RANBP2: variants seen among roughly 807,000 people sequenced by gnomAD.
RANBP2 encodes RAN binding protein 2.
RANBP2 carries 57 observed loss-of-function variants against 303.6 expected under a neutral mutation model. That is an observed-to-expected ratio of 0.19 (90% CI 0.15 to 0.23). The LOEUF (loss-of-function observed/expected upper bound fraction) is 0.23, where lower values mean the gene tolerates loss of function less well. RANBP2 is among the 10% of genes least tolerant of loss of function. RANBP2 has a pLI of 1.00. For missense variants in RANBP2, 3,138 were observed against 3,780.8 expected, an observed-to-expected ratio of 0.83 and a Z score of 4.46; for synonymous variants, 1,167 against 1,301.5, an observed-to-expected ratio of 0.90 and a Z score of 2.23.
At chr2:109,002,080 G>T in the RANBP2 span, among the ~76,000 whole-genome samples, 1 of 152,158 alleles carries the variant, frequency 6.6e-6, no homozygotes, top group South Asian at 2.1e-4. Context: ...CCAAGAGTAG[G>T]GAGTTGGTGG....
At chr2:109,581,009 T>C in the RANBP2 span, among the ~76,000 whole-genome samples, 1 of 152,142 alleles carries the variant, frequency 6.6e-6, no homozygotes, top group African/African-American at 2.4e-5. Context: ...GGCCCCCAAG[T>C]CCCTGGCTAA....
At chr2:109,614,780 C>G in the RANBP2 span, 3 of 1,477,916 alleles carry the variant, frequency 2.0e-6, no homozygotes, top group Non-Finnish European at 2.7e-6. Flanking sequence ...CGCCGCGAAT[C>G]CAGGTGACCG....
At chr2:108,863,420 G>A in the RANBP2 span, among the ~76,000 whole-genome samples, 10 of 152,170 alleles carry the variant, frequency 6.6e-5, no homozygotes, top group Admixed American at 2.0e-4. Flanking sequence ...CTTTAGATGT[G>A]TGGTGTTTTC....
At chr2:109,214,994 G>T in the RANBP2 span, among the ~76,000 whole-genome samples, 1 of 152,242 alleles carries the variant, frequency 6.6e-6, no homozygotes, top group African/African-American at 2.4e-5. Context: ...CTTGGTGGAG[G>T]CAGAGTAAGA....
At chr2:109,764,405 C>T in the RANBP2 span, among the ~76,000 whole-genome samples, 4 of 147,528 alleles carry the variant, frequency 2.7e-5, 1 homozygote, top group Admixed American at 7.0e-5. Flanking sequence ...AAAATAATGA[C>T]CATCCCTTTT....
chr2:109,256,476 A>G, the RANBP2 span, among the ~76,000 whole-genome samples: 4 of 138,084 alleles, frequency 2.9e-5, no homozygotes, highest in Admixed American at 6.8e-5. Context: ...TCATGGAAAC[A>G]GGGGAGATTT....
At chr2:109,632,602 A>G in the RANBP2 span, among the ~76,000 whole-genome samples, 13 of 152,278 alleles carry the variant, frequency 8.5e-5, no homozygotes, top group South Asian at 2.1e-4. Context: ...TCACAAGGTC[A>G]GAAGCTCGAG....
chr2:109,354,948 T>C, the RANBP2 span, among the ~76,000 whole-genome samples: 2 of 152,232 alleles, frequency 1.3e-5, no homozygotes, highest in African/African-American at 4.8e-5. Context: ...TATAGTTTTT[T>C]AGTAACCACT....
chr2:108,763,832 C>T lies in RANBP2; in HGVS notation c.3293C>T (p.Thr1098Ile), dbSNP rs1226669240. 1.2e-6 allele frequency: 2 copies of T among 1,614,030 alleles called. No homozygotes were observed. Among genetic ancestry groups the T allele is most frequent in the Non-Finnish European group, 1.7e-6 (2 of 1,179,966 alleles). Residue 1098 changes from threonine (T) to isoleucine (I), a missense_variant, in exon 20 of 29, where the codon ACA becomes ATA. Transcript: ENST00000283195. ...PGGQTIGPRNTFNFGSKNVSG... is the reference protein window; with the variant it reads ...PGGQTIGPRNIFNFGSKNVSG... Reference sequence around the variant, plus strand: ...GGTCAAACCATTGGGCCTCGAAATACATTCAATTTTGGAAGCAAAAATGTG... The same window carrying T: ...GGTCAAACCATTGGGCCTCGAAATATATTCAATTTTGGAAGCAAAAATGTG...
At chr2:108,747,176 CT>C (rs1696580403) in intron 8 of RANBP2, among the ~76,000 whole-genome samples, 1 of 152,190 alleles carries the variant, frequency 6.6e-6, no homozygotes, top group African/African-American at 2.4e-5. Flanking sequence ...ACGGATCTGT[CT>C]TAAAGAGCTG....
At chr2:109,647,115 A>T in the RANBP2 span, among the ~76,000 whole-genome samples, 5 of 137,418 alleles carry the variant, frequency 3.6e-5, no homozygotes, top group Admixed American at 3.0e-4. Flanking sequence ...CCTGTGCGTG[A>T]TCCTTTTGGG....
chr2:109,587,909 T>C, the RANBP2 span, among the ~76,000 whole-genome samples: 7 of 146,246 alleles, frequency 4.8e-5, no homozygotes, highest in African/African-American at 1.6e-4. Flanking sequence ...CAAGACTCCA[T>C]CTCCAAAAAA....
chr2:109,130,148 C>T, the RANBP2 span: 1 of 1,276,462 alleles, frequency 7.8e-7, no homozygotes. Context: ...GGCCACGGCA[C>T]GTGGGAGTGT....
At chr2:109,377,344 A>G in the RANBP2 span, among the ~76,000 whole-genome samples, 51 of 152,330 alleles carry the variant, frequency 3.3e-4, no homozygotes, top group African/African-American at 1.2e-3. Context: ...GGTGGGGCCC[A>G]GCTGCTGATG....
the RANBP2 span, among the ~76,000 whole-genome samples, chr2:109,456,007 A>T: frequency 3.3e-5 from 5 of 152,218 alleles, no homozygotes; most frequent in East Asian, 7.7e-4. Flanking sequence ...CCTGCCCTGC[A>T]GCCTGCTCAC....
the RANBP2 span, chr2:108,897,088 C>G: frequency 3.7e-6 from 6 of 1,614,148 alleles, no homozygotes; most frequent in East Asian, 1.3e-4. Flanking sequence ...TGTCATGCCC[C>G]CAATCTCATC....
the RANBP2 span, among the ~76,000 whole-genome samples, chr2:109,612,803 A>G: frequency 1.3e-5 from 2 of 152,222 alleles, no homozygotes; most frequent in Non-Finnish European, 2.9e-5. Context: ...ATAGAATGAA[A>G]AGAGACCTGG....
At chr2:108,730,586 T>C (rs1184564756) in intron 2 of RANBP2, among the ~76,000 whole-genome samples, 188 bp from the exon 3 acceptor site, 6 of 152,234 alleles carry the variant, frequency 3.9e-5, no homozygotes, top group Admixed American at 2.0e-4. Context: ...TGGTCAACTC[T>C]ATGTACGTGT....
chr2:109,611,549 G>A, the RANBP2 span, among the ~76,000 whole-genome samples: 13 of 152,226 alleles, frequency 8.5e-5, no homozygotes, highest in East Asian at 2.1e-3. Context: ...CTTGAGCCCA[G>A]GAGTTTGAGA....
Sources: allele counts gnomAD v4.1 joint callset (sites outside exome capture counted in the v4.1 genomes callset), GRCh38; gene constraint gnomAD v4.1.1; transcripts MANE v1.5; gene names NCBI Gene and HGNC (gene_info 2026-07-23, HGNC 2026-07-21).